Variants in JCAD observed in about 807,000 individuals in gnomAD.
The protein encoded by JCAD is junctional cadherin 5 associated.
A neutral mutation model predicts 98.0 loss-of-function variants in JCAD; 40 were observed. The ratio of observed to expected loss-of-function variants is 0.41; its 90% CI spans 0.32 to 0.53. The LOEUF (loss-of-function observed/expected upper bound fraction) is 0.53. Among genes scored for constraint, JCAD ranks in the 20% least tolerant of loss-of-function variants. The pLI is 0.31. For missense variants in JCAD, 1,705 were observed against 1,738.1 expected (o/e 0.98, Z 0.34); for synonymous variants, 691 against 682.3 (o/e 1.01, Z -0.20).
intron 1 of JCAD, among the ~76,000 whole-genome samples, chr10:30,085,457 G>T (rs558357854): frequency 1.9e-4 from 29 of 152,304 alleles, no homozygotes; most frequent in African/African-American, 7.0e-4. Flanking sequence ...ATGCTGGATT[G>T]TAATACAGGC....
intron 1 of JCAD, among the ~76,000 whole-genome samples, chr10:30,092,796 T>A (rs1427823715): frequency 6.6e-6 from 1 of 152,126 alleles, no homozygotes; most frequent in Non-Finnish European, 1.5e-5. Context: ...ACAAGAGCAA[T>A]GTTTGAGGGT....
chr10:30,074,626 A>C (rs1171968184), intron 1 of JCAD, among the ~76,000 whole-genome samples: 1 of 152,166 alleles, frequency 6.6e-6, no homozygotes, highest in Non-Finnish European at 1.5e-5. Flanking sequence ...ATGAAAGGAG[A>C]ATTCAAAAAG....
intron 1 of JCAD, among the ~76,000 whole-genome samples, chr10:30,051,897 A>C (rs1837479205): frequency 6.6e-6 from 1 of 152,188 alleles, no homozygotes; most frequent in South Asian, 2.1e-4. Context: ...ATAGAAACTG[A>C]AAATAATTGT....
At position 30,019,453 on chromosome 10, in the gene JCAD, A is replaced by T. The variant is rs1299734764; in HGVS notation, c.4046-1536T>A. 1.1e-4 allele frequency among the ~76,000 whole-genome samples: 16 copies of T among 152,126 alleles called. No individual in the cohort carries two copies. In the South Asian group the frequency reaches 3.3e-3, roughly 32 times the overall value. On this transcript the variant is annotated intron_variant, in intron 3 of 3. Transcript: ENST00000375377. ...AAAGATAAGCAAATCCTGCCATTTT[A>T]CAACAACATGGATTAAACTTCAGGA...
chr10:30,070,708 A>G (rs1023064893), intron 1 of JCAD, among the ~76,000 whole-genome samples: 1 of 152,214 alleles, frequency 6.6e-6, no homozygotes, highest in Non-Finnish European at 1.5e-5. Flanking sequence ...CCGGAGCCAC[A>G]GTTTTATACA....
rs1270715647 is a variant in JCAD, at chr10:30,058,938, GC to G, written c.-60+543del. Reference sequence around the variant, plus strand: ...GAGCGGGAGCGGGGCCGCGGCGGGAGCCCCCCACCGTCCCGGGCAGTCCAGA... The same window carrying G: ...GAGCGGGAGCGGGGCCGCGGCGGGAGCCCCCACCGTCCCGGGCAGTCCAGA... On this transcript the variant is annotated intron_variant, in intron 1 of 3. Transcript: ENST00000375377. 5.3e-5 allele frequency among the ~76,000 whole-genome samples: 8 copies of G among 152,196 alleles called. No individual in the cohort carries two copies. In the South Asian group the frequency reaches 1.5e-3, roughly 28 times the overall value.
At chr10:30,058,429 G>T (rs1837625898) in intron 1 of JCAD, among the ~76,000 whole-genome samples, 1 of 152,186 alleles carries the variant, frequency 6.6e-6, no homozygotes, top group African/African-American at 2.4e-5. Flanking sequence ...TTCCCCCAAG[G>T]CCTCTCTACT....
intron 1 of JCAD, among the ~76,000 whole-genome samples, chr10:30,049,396 G>C (rs1478406653): frequency 6.6e-6 from 1 of 152,180 alleles, no homozygotes; most frequent in African/African-American, 2.4e-5. Context: ...CCTGTCACTG[G>C]GAGCTCTTAC....
upstream of JCAD, among the ~76,000 whole-genome samples, chr10:30,060,112 C>T (rs1589700224): frequency 1.1e-5 from 1 of 88,954 alleles, no homozygotes; most frequent in Admixed American, 1.3e-4. Flanking sequence ...TATGGCTATA[C>T]ACACACACAC....
chr10:30,106,624 C>A (rs184001894), intron 1 of JCAD, among the ~76,000 whole-genome samples: 2 of 152,298 alleles, frequency 1.3e-5, no homozygotes, highest in Admixed American at 6.5e-5. Flanking sequence ...CCTCAGCCTC[C>A]TGAGTAGCTG....
chr10:30,097,681 G>A (rs185899334), intron 1 of JCAD, among the ~76,000 whole-genome samples: 2 of 152,222 alleles, frequency 1.3e-5, no homozygotes, highest in East Asian at 1.9e-4. Context: ...CTTGAACCCA[G>A]GAGGCGGAAG....
At position 30,016,261 on chromosome 10, in the gene JCAD, A is replaced by C. The variant is rs1836531341; in HGVS notation, c.*1622T>G. 6.6e-6 allele frequency: 1 copy of C among 152,186 alleles called. No homozygotes were observed. The highest frequency in any genetic ancestry group is 6.5e-5 in the Admixed American group (1 of 15,276). The allele number at this position is 152,186 out of a possible 1,614,324, so 9.4% of individuals were successfully genotyped here. On this transcript the variant is annotated 3_prime_UTR_variant, in exon 4 of 4. Transcript: ENST00000375377. Reference sequence around the variant, plus strand: ...ACATTTTAGGAATTCGAAATGTCTAAAAATAGATAAGGTGGTTTCTCTAAA... The same window carrying C: ...ACATTTTAGGAATTCGAAATGTCTACAAATAGATAAGGTGGTTTCTCTAAA...
chr10:30,077,909 T>G (rs1344998180), intron 1 of JCAD, among the ~76,000 whole-genome samples: 2 of 152,238 alleles, frequency 1.3e-5, no homozygotes, highest in African/African-American at 4.8e-5. Context: ...CTATTTTCAG[T>G]TCTTTGGGCT....
intron 1 of JCAD, among the ~76,000 whole-genome samples, chr10:30,109,298 T>C (rs1351244003): frequency 2.0e-5 from 3 of 152,218 alleles, no homozygotes; most frequent in Non-Finnish European, 4.4e-5. Flanking sequence ...TGTCTAGGCT[T>C]GGTTCATTAA....
chr10:30,046,473 C>T (rs1286854848), intron 2 of JCAD, among the ~76,000 whole-genome samples: 1 of 152,126 alleles, frequency 6.6e-6, no homozygotes, highest in Non-Finnish European at 1.5e-5. Context: ...TATGAATATA[C>T]CAGAAGAAAC....
At chr10:30,095,970 C>T (rs1246311359) in intron 1 of JCAD, among the ~76,000 whole-genome samples, 1 of 152,190 alleles carries the variant, frequency 6.6e-6, no homozygotes, top group African/African-American at 2.4e-5. Context: ...CGGAACTTCT[C>T]TTTGAAGCTT....
At chr10:30,099,218 C>A (rs190288285) in intron 1 of JCAD, among the ~76,000 whole-genome samples, 1 of 152,264 alleles carries the variant, frequency 6.6e-6, no homozygotes, top group East Asian at 1.9e-4. Context: ...AAACATAAGA[C>A]ATCATTGCAA....
At position 30,028,679 on chromosome 10, in the gene JCAD, A is replaced by G. The variant is rs1836902791; in HGVS notation, c.1469T>C (p.Leu490Pro). 1 of 1,607,246 alleles carries G rather than the reference A, an allele frequency of 6.2e-7. No homozygotes were observed. The highest frequency in any genetic ancestry group is 8.5e-7 in the Non-Finnish European group (1 of 1,176,468). ...LIPPSGDERGLVLADSSPRWL... is the reference protein window; with the variant it reads ...LIPPSGDERGPVLADSSPRWL... ...CCGGGGGCTGGAATCGGCCAAGACC[A>G]GGCCTCTCTCATCCCCCGACGGGGG... is the stretch of plus-strand genomic sequence containing the variant. Residue 490 changes from leucine to proline, a missense_variant, in exon 3 of 4, where the codon CTG (leucine) becomes CCG (proline). Transcript: ENST00000375377.
In JCAD at chr10:30,024,669, C is replaced by T. The variant is rs1371284401; in HGVS notation, c.4045+1434G>A. 2.0e-5 allele frequency among the ~76,000 whole-genome samples: 3 copies of T among 149,082 alleles called. No homozygotes were observed. In the East Asian group the frequency reaches 5.9e-4, roughly 30 times the overall value. On this transcript the variant is annotated intron_variant, in intron 3 of 3. Transcript: ENST00000375377. ...AGAATCCCACTGTATTTGGGGGAAA[C>T]TTGAGAGTGCCCATGTACATTTTTT...
Sources: allele counts gnomAD v4.1 joint callset (sites outside exome capture counted in the v4.1 genomes callset), GRCh38; gene constraint gnomAD v4.1.1; transcripts MANE v1.5; gene names NCBI Gene and HGNC (gene_info 2026-07-23, HGNC 2026-07-21).